GABBR2: variants seen among roughly 807,000 people sequenced by gnomAD.
The protein encoded by GABBR2 is G-protein coupled receptor 51.
GABBR2 carries 23 observed loss-of-function variants against 105.6 expected under a neutral mutation model. The observed-to-expected ratio is 0.22, with a 90% CI of 0.16 to 0.31. The LOEUF (loss-of-function observed/expected upper bound fraction) is 0.31, where lower values mean the gene tolerates loss of function less well. Among genes scored for constraint, GABBR2 ranks in the 10% least tolerant of loss-of-function variants. The pLI, the probability that GABBR2 is intolerant of heterozygous loss-of-function variation, is 1.00. For missense variants in GABBR2, 734 were observed against 1,245.5 expected (o/e 0.59, Z 6.18); for synonymous variants, 478 against 499.7 (o/e 0.96, Z 0.58).
chr9:98,332,228 A>G (rs1236546913), intron 13 of GABBR2, among the ~76,000 whole-genome samples: 2 of 152,196 alleles, frequency 1.3e-5, no homozygotes, highest in African/African-American at 2.4e-5. Flanking sequence ...GTGGATGGCC[A>G]TGGAAGTGCA....
chr9:98,689,054 C>T (rs1167088129), intron 1 of GABBR2, among the ~76,000 whole-genome samples: 1 of 152,210 alleles, frequency 6.6e-6, no homozygotes, highest in Admixed American at 6.5e-5. Context: ...CTAGTCCCAG[C>T]CCTATGCCAT....
intron 13 of GABBR2, among the ~76,000 whole-genome samples, chr9:98,362,270 C>T (rs1277670235): frequency 6.6e-6 from 1 of 152,188 alleles, no homozygotes; most frequent in African/African-American, 2.4e-5. Flanking sequence ...CTTATTTTAA[C>T]AACAAATATC....
At chr9:98,484,642 G>T (rs1223918275) in intron 4 of GABBR2, among the ~76,000 whole-genome samples, 1 of 152,160 alleles carries the variant, frequency 6.6e-6, no homozygotes, top group African/African-American at 2.4e-5. Context: ...TCAAACTAGG[G>T]TATGTGCATT....
chr9:98,606,216 T>A (rs1829419074), intron 1 of GABBR2, among the ~76,000 whole-genome samples: 1 of 152,246 alleles, frequency 6.6e-6, no homozygotes, highest in African/African-American at 2.4e-5. Context: ...CTATTGTGAA[T>A]AGTGCCGCAG....
intron 3 of GABBR2, among the ~76,000 whole-genome samples, chr9:98,522,802 T>C (rs1203034210): frequency 6.6e-6 from 1 of 152,188 alleles, no homozygotes; most frequent in Non-Finnish European, 1.5e-5. Context: ...ATAGTTATTG[T>C]AGTATAGTTT....
chr9:98,515,267 TGG>T (rs1827734968), intron 3 of GABBR2, among the ~76,000 whole-genome samples: 1 of 152,134 alleles, frequency 6.6e-6, no homozygotes, highest in Admixed American at 6.5e-5. Context: ...AACTTGCCCA[TGG>T]GGAGCTGCCT....
At chr9:98,654,362 G>A (rs1020011004) in intron 1 of GABBR2, among the ~76,000 whole-genome samples, 6 of 152,220 alleles carry the variant, frequency 3.9e-5, no homozygotes, top group Non-Finnish European at 1.5e-5. Context: ...TTACATGTGA[G>A]CTCCTTTAAG....
At chr9:98,560,993 T>G (rs1369985599) in intron 2 of GABBR2, among the ~76,000 whole-genome samples, 1 of 151,954 alleles carries the variant, frequency 6.6e-6, no homozygotes, top group Non-Finnish European at 1.5e-5. Flanking sequence ...CAGTATCATC[T>G]AATGCGTAGT....
chr9:98,652,116 TCAAA>T lies in GABBR2; in HGVS notation c.321+56297_321+56300del, dbSNP rs148449935. Among the ~76,000 whole-genome samples the T allele has an allele frequency of 8.8e-3, 1,347 of 152,266 alleles. 18 individuals carry two copies. The highest frequency in any genetic ancestry group is 0.03 in the African/African-American group (1,256 of 41,544). ...TGTAAGTTTCCATAATAAAATATGG[TCAAA>T]CAGTTTATTATCATATGTATCATAG... On this transcript the variant is annotated intron_variant, in intron 1 of 18. Transcript: ENST00000259455.
At chr9:98,555,299 G>T (rs528750630) in intron 2 of GABBR2, among the ~76,000 whole-genome samples, 1 of 152,312 alleles carries the variant, frequency 6.6e-6, no homozygotes, top group South Asian at 2.1e-4. Flanking sequence ...GAAAGGATTT[G>T]CTCAAACTCA....
At chr9:98,352,799 G>A (rs973208268) in intron 13 of GABBR2, among the ~76,000 whole-genome samples, 9 of 152,108 alleles carry the variant, frequency 5.9e-5, no homozygotes, top group African/African-American at 1.2e-4. Context: ...GGCATAGGAC[G>A]CTGTGTGGGC....
chr9:98,601,894 C>T (rs1316054541), intron 1 of GABBR2, among the ~76,000 whole-genome samples: 1 of 152,172 alleles, frequency 6.6e-6, no homozygotes, highest in Non-Finnish European at 1.5e-5. Flanking sequence ...CAGCTGCCTG[C>T]GATTGCCAAA....
Position 98,708,795 on chromosome 9 carries a change from G to A in GABBR2, c.-58C>T. The A allele has an allele frequency of 1.0e-6, 1 of 959,778 alleles. No individual in the cohort carries two copies. The highest frequency in any genetic ancestry group is 1.2e-6 in the Non-Finnish European group (1 of 808,868). The allele number at this position is 959,778 out of a possible 1,614,324, so 59.5% of individuals were successfully genotyped here. A position where few individuals can be genotyped will look rare whatever the true frequency, so the allele number is the denominator to read the frequency against. ...CGGCCCGCATGGCCTGGCCCGGCCC[G>A]CCGCCCCGCGCCAAGGTCTTCCCGC... On this transcript the variant is annotated 5_prime_UTR_variant, in exon 1 of 19. Coordinates refer to ENST00000259455, the MANE Select transcript of GABBR2 (RefSeq NM_005458.8).
intron 1 of GABBR2, among the ~76,000 whole-genome samples, chr9:98,698,176 T>C (rs1830780523): frequency 1.3e-5 from 2 of 152,204 alleles, no homozygotes; most frequent in East Asian, 3.9e-4. Flanking sequence ...GGCTAGATTT[T>C]ATCTGAACAG....
chr9:98,636,107 G>A (rs1829872840), intron 1 of GABBR2, among the ~76,000 whole-genome samples: 1 of 152,168 alleles, frequency 6.6e-6, no homozygotes, highest in African/African-American at 2.4e-5. Context: ...GAAAAATGAT[G>A]TGGGTGGCAT....
chr9:98,653,354 G>T (rs1830135449), intron 1 of GABBR2, among the ~76,000 whole-genome samples: 1 of 152,100 alleles, frequency 6.6e-6, no homozygotes, highest in African/African-American at 2.4e-5. Flanking sequence ...ACAGACAACG[G>T]GATCCTTTCT....
rs892484859 is a variant in GABBR2 at position 98,304,594 on chromosome 9, A to C, written c.2230-1171T>G. ...AAGGTGTGTACACCAGAGGTATTCC[A>C]GTGCAGAGCTCACAGTGCCTGGGGG... On this transcript the variant is annotated intron_variant, in intron 15 of 18. Coordinates refer to ENST00000259455, the MANE Select transcript of GABBR2 (RefSeq NM_005458.8). Among the ~76,000 whole-genome samples, 3 of 152,180 alleles carry C rather than the reference A, an allele frequency of 2.0e-5. No individual in the cohort carries two copies. The East Asian group carries it at 5.8e-4, about 29-fold the overall frequency.
At chr9:98,429,384 GC>G (rs1825759835) in intron 7 of GABBR2, among the ~76,000 whole-genome samples, 1 of 151,920 alleles carries the variant, frequency 6.6e-6, no homozygotes, top group South Asian at 2.1e-4. Flanking sequence ...CAAGTGATCC[GC>G]CCACCTCAGC....
chr9:98,373,442 C>A (rs1831820185), intron 11 of GABBR2, among the ~76,000 whole-genome samples: 1 of 152,160 alleles, frequency 6.6e-6, no homozygotes, highest in South Asian at 2.1e-4. Flanking sequence ...CAGAGCTAAG[C>A]CTGGAACTCG....
Sources: gnomAD v4.1 joint callset for allele counts (sites outside exome capture counted in the v4.1 genomes callset) on GRCh38, gnomAD v4.1.1 for gene constraint, MANE v1.5 for transcripts, NCBI Gene and HGNC (gene_info 2026-07-23, HGNC 2026-07-21) for gene names.